TEX9: variants seen among roughly 807,000 people sequenced by gnomAD.
TEX9 encodes the protein testis-expressed protein 9.
A neutral mutation model predicts 59.6 loss-of-function variants in TEX9; 74 were observed. The ratio of observed to expected loss-of-function variants is 1.24; its 90% CI spans 1.03 to 1.51. TEX9 has a LOEUF of 1.51. Ranked by LOEUF, TEX9 falls within the 40% of genes most tolerant of loss-of-function variation. The pLI is 0.00. For synonymous variants in TEX9, 186 were observed against 152.2 expected, an observed-to-expected ratio of 1.22 and a Z score of -1.64; for missense variants, 522 against 447.8, an observed-to-expected ratio of 1.17 and a Z score of -1.49.
At chr15:56,443,128 C>G (rs937633949) in intron 12 of TEX9, among the ~76,000 whole-genome samples, 1 of 152,126 alleles carries the variant, frequency 6.6e-6, no homozygotes, top group African/African-American at 2.4e-5. Flanking sequence ...CTACTTTTGA[C>G]TAGTGTCTGT....
intron 1 of TEX9, among the ~76,000 whole-genome samples, chr15:56,355,424 A>G (rs2046665713): frequency 6.6e-6 from 1 of 152,236 alleles, no homozygotes; most frequent in South Asian, 2.1e-4. Context: ...ATTTCATTTT[A>G]TTAAAATTTG....
chr15:56,371,721 G>A (rs1189543785), intron 2 of TEX9, among the ~76,000 whole-genome samples: 1 of 152,058 alleles, frequency 6.6e-6, no homozygotes, highest in African/African-American at 2.4e-5. Flanking sequence ...AGTTTTGATT[G>A]ATTCCACGTC....
At chr15:56,267,677 A>G (rs972464221) in intron 1 of TEX9, among the ~76,000 whole-genome samples, 2 of 152,070 alleles carry the variant, frequency 1.3e-5, no homozygotes, top group African/African-American at 4.8e-5. Context: ...GTTCTGTTTC[A>G]TTGATCTCTA....
intron 1 of TEX9, among the ~76,000 whole-genome samples, chr15:56,320,825 A>G (rs979391242): frequency 1.4e-4 from 22 of 152,182 alleles, no homozygotes; most frequent in African/African-American, 5.1e-4. Flanking sequence ...ATACTGGTCT[A>G]ATACTAAAGG....
chr15:56,442,248 G>A (rs1411461365), intron 12 of TEX9, among the ~76,000 whole-genome samples: 1 of 152,076 alleles, frequency 6.6e-6, no homozygotes, highest in Non-Finnish European at 1.5e-5. Flanking sequence ...ACAAGGTTGT[G>A]GAGAAAAAGG....
upstream of TEX9, among the ~76,000 whole-genome samples, chr15:56,361,605 C>T (rs1398802951): frequency 6.6e-6 from 1 of 152,036 alleles, no homozygotes; most frequent in Non-Finnish European, 1.5e-5. Flanking sequence ...GTGCCACCTC[C>T]CCCTCCCTAC....
upstream of TEX9, among the ~76,000 whole-genome samples, chr15:56,362,636 C>G (rs2046810242): frequency 6.6e-6 from 1 of 152,166 alleles, no homozygotes; most frequent in Non-Finnish European, 1.5e-5. Flanking sequence ...GAGTTGTACA[C>G]CATCAACACA....
chr15:56,356,767 C>T (rs1311551339), intron 1 of TEX9, among the ~76,000 whole-genome samples: 1 of 152,118 alleles, frequency 6.6e-6, no homozygotes, highest in Non-Finnish European at 1.5e-5. Flanking sequence ...TCACTTGAGC[C>T]TGTCTAGCTG....
intron 1 of TEX9, among the ~76,000 whole-genome samples, chr15:56,283,488 G>T (rs1239634061): frequency 1.3e-5 from 2 of 152,002 alleles, no homozygotes; most frequent in Admixed American, 1.3e-4. Context: ...GTACATAAAA[G>T]ATATTTAATC....
chr15:56,377,295 C>T (rs145437163), intron 3 of TEX9, among the ~76,000 whole-genome samples: 148 of 152,094 alleles, frequency 9.7e-4, no homozygotes, highest in Non-Finnish European at 3.5e-4. Flanking sequence ...TGTGAAAATG[C>T]GATTGGTATT....
At chr15:56,376,389 T>C (rs1378351033) in intron 3 of TEX9, among the ~76,000 whole-genome samples, 1 of 152,166 alleles carries the variant, frequency 6.6e-6, no homozygotes, top group African/African-American at 2.4e-5. Flanking sequence ...TAGGGTTCCC[T>C]TTCTCTACAT....
chr15:56,429,653 A>G (rs2050511482), intron 12 of TEX9: 3 of 152,564 alleles, frequency 2.0e-5, no homozygotes, highest in Admixed American at 6.5e-5. Context: ...TTTGGAGTTA[A>G]GCCATTTAAG....
At chr15:56,451,283 C>T in the TEX9 span, among the ~76,000 whole-genome samples, 1 of 152,188 alleles carries the variant, frequency 6.6e-6, no homozygotes, top group South Asian at 2.1e-4. Flanking sequence ...TCCTCCTGAA[C>T]CAGGGACCAG....
In TEX9 at chr15:56,394,649, TTATAACTA is replaced by T; in HGVS notation, c.655-9_655-2del. The T allele has an allele frequency of 2.6e-6, 4 of 1,526,714 alleles. No homozygotes were observed. The highest frequency in any genetic ancestry group is 2.7e-6 in the Non-Finnish European group (3 of 1,121,200). The allele number at this position is 1,526,714 out of a possible 1,614,324, so 94.6% of individuals were successfully genotyped here. A position where few individuals can be genotyped will look rare whatever the true frequency, so the allele number is the denominator to read the frequency against. ...ATATTTTTTCACATAATCTATAACT[TTATAACTA>T]TAGGAGGATGAAATTCAGAATTTAA... On this transcript the variant is annotated splice_region_variant and splice_polypyrimidine_tract_variant and intron_variant, in intron 8 of 12. Coordinates refer to ENST00000352903, the Ensembl canonical transcript of TEX9.
intron 1 of TEX9, among the ~76,000 whole-genome samples, chr15:56,300,153 G>C (rs1185832941): frequency 6.6e-6 from 1 of 152,050 alleles, no homozygotes; most frequent in East Asian, 1.9e-4. Context: ...CCTGAAGGTA[G>C]AGATCTAGGA....
intron 12 of TEX9, among the ~76,000 whole-genome samples, chr15:56,438,015 A>G (rs1275816922): frequency 6.6e-6 from 1 of 152,210 alleles, no homozygotes; most frequent in Non-Finnish European, 1.5e-5. Flanking sequence ...AGGAAGAATC[A>G]ATATCGTGAA....
chr15:56,456,918 C>T, the TEX9 span, among the ~76,000 whole-genome samples: 1,639 of 152,176 alleles, frequency 0.011, 27 homozygotes, highest in African/African-American at 0.038. Flanking sequence ...TCTACCTGAT[C>T]AGAATTTTTA....
chr15:56,383,729 C>A (rs1275199247), intron 3 of TEX9, among the ~76,000 whole-genome samples: 1 of 152,180 alleles, frequency 6.6e-6, no homozygotes, highest in African/African-American at 2.4e-5. Context: ...GATATTCTTA[C>A]ATTTTCCCCT....
downstream of TEX9, among the ~76,000 whole-genome samples, chr15:56,449,087 C>G (rs1425296468): frequency 6.6e-6 from 1 of 152,150 alleles, no homozygotes; most frequent in Non-Finnish European, 1.5e-5. Context: ...TCTACACATA[C>G]AATCATATCA....
Sources: gnomAD v4.1 joint callset for allele counts (sites outside exome capture counted in the v4.1 genomes callset) on GRCh38, gnomAD v4.1.1 for gene constraint, MANE v1.5 for transcripts, NCBI Gene and HGNC (gene_info 2026-07-23, HGNC 2026-07-21) for gene names.